CDKN2B-AS1: variants seen among roughly 807,000 people sequenced by gnomAD.
CDKN2B-AS1 encodes the protein CDKN2B and CDKN2A antisense cis and trans regulatory RNA 1.
Position 22,040,976 on chromosome 9 carries a change from A to G in CDKN2B-AS1, n.30-5775A>G, listed in dbSNP as rs988143256. ...ATCTCAACCCAGCATTCATTATACT[A>G]TTGCTCACTGCGTGTAGAATCAGAT... On this transcript the variant is annotated intron_variant and non_coding_transcript_variant, in intron 1 of 4. Transcript: ENST00000650946. 5.3e-5 allele frequency among the ~76,000 whole-genome samples: 8 copies of G among 151,952 alleles called. No individual in the cohort carries two copies. The South Asian group carries it at 6.2e-4, about 12-fold the overall frequency.
In CDKN2B-AS1 at chr9:22,000,388, A is replaced by T. The variant is rs1463897107; in HGVS notation, n.29+5227A>T. On this transcript the variant is annotated intron_variant and non_coding_transcript_variant, in intron 1 of 4. Transcript: ENST00000650946. This position sits in a 1 kb window ranked among gnomAD's most constrained non-coding sequence, Gnocchi z 4.1. ...GTTTATGGTGGTATTTAAACATATT[A>T]AAAACTACTAATTTTGGAATAGTCT... Among the ~76,000 whole-genome samples the T allele has an allele frequency of 6.6e-6, 1 of 152,188 alleles. No homozygotes were observed. The highest frequency in any genetic ancestry group is 2.4e-5 in the African/African-American group (1 of 41,452).
chr9:22,115,897 A>T (rs371553137), intron 4 of CDKN2B-AS1, among the ~76,000 whole-genome samples: 1 of 152,206 alleles, frequency 6.6e-6, no homozygotes, highest in Non-Finnish European at 1.5e-5. Flanking sequence ...TTATAAGTGA[A>T]TCATGAGAAC....
intron 1 of CDKN2B-AS1, among the ~76,000 whole-genome samples, chr9:22,033,230 G>C (rs1184988901): frequency 6.6e-6 from 1 of 150,586 alleles, no homozygotes; most frequent in African/African-American, 2.4e-5. Flanking sequence ...AAAGGTTGGG[G>C]ACCACCGCTG....
chr9:22,053,671 A>G (rs1185475352), intron 3 of CDKN2B-AS1, among the ~76,000 whole-genome samples: 1 of 152,188 alleles, frequency 6.6e-6, no homozygotes, highest in Non-Finnish European at 1.5e-5. Context: ...GTATATGCTG[A>G]TGTTTGGAGC....
At chr9:22,088,745 C>G (rs969405704) in intron 4 of CDKN2B-AS1, among the ~76,000 whole-genome samples, 21 of 152,276 alleles carry the variant, frequency 1.4e-4, no homozygotes, top group African/African-American at 5.1e-4. Context: ...GAAATGAGAT[C>G]AGGCTCTATA....
intron 4 of CDKN2B-AS1, among the ~76,000 whole-genome samples, chr9:22,125,591 A>G (rs1818003896): frequency 6.6e-6 from 1 of 152,232 alleles, no homozygotes; most frequent in Non-Finnish European, 1.5e-5. Context: ...TTTATACAGT[A>G]GTGAAGGAAA....
At position 22,116,148 on chromosome 9, in the gene CDKN2B-AS1, C is replaced by A. The variant is rs149584169; in HGVS notation, n.439-10955C>A. On this transcript the variant is annotated intron_variant and non_coding_transcript_variant, in intron 4 of 4. Transcript: ENST00000650946. ...CTGTTTTGACAAACATCTGAGGATA[C>A]TTTTATAATTGATAATTTGGACTAG... 6.6e-5 allele frequency among the ~76,000 whole-genome samples: 10 copies of A among 152,206 alleles called. No homozygotes were observed. The East Asian group carries it at 1.9e-3, about 29-fold the overall frequency.
intron 4 of CDKN2B-AS1, among the ~76,000 whole-genome samples, chr9:22,072,711 A>G (rs976874933): frequency 1.3e-5 from 2 of 152,230 alleles, no homozygotes; most frequent in African/African-American, 2.4e-5. Context: ...GCAAAATGCT[A>G]GGAGCACAAG....
At chr9:22,004,920 T>C (rs1409182401) in intron 1 of CDKN2B-AS1, 1 of 233,192 alleles carries the variant, frequency 4.3e-6, no homozygotes, top group Non-Finnish European at 8.5e-6. Context: ...ATCTAGGCGT[T>C]TGCACTGAGT....
chr9:22,008,950 G>C, intron 1 of CDKN2B-AS1: 1 of 1,612,876 alleles, frequency 6.2e-7, no homozygotes, highest in Non-Finnish European at 8.5e-7. Flanking sequence ...TTCTCCTCGC[G>C]CATTCCGCAG....
chr9:22,026,981 G>C (rs566725466), intron 1 of CDKN2B-AS1, among the ~76,000 whole-genome samples: 11 of 152,174 alleles, frequency 7.2e-5, no homozygotes, highest in African/African-American at 2.6e-4. Context: ...TTCCCAAGTG[G>C]GCTGTCTTCC....
chr9:22,125,343 T>A (rs188267508), intron 4 of CDKN2B-AS1, among the ~76,000 whole-genome samples: 1 of 152,384 alleles, frequency 6.6e-6, no homozygotes, highest in East Asian at 1.9e-4. Context: ...TTTGAGGAGA[T>A]GTTTAAATGT....
intron 3 of CDKN2B-AS1, among the ~76,000 whole-genome samples, chr9:22,053,570 C>T (rs1823440552): frequency 6.6e-6 from 1 of 152,190 alleles, no homozygotes; most frequent in Non-Finnish European, 1.5e-5. Flanking sequence ...GTTTTTCTCT[C>T]TCTTCCCTTT....
At chr9:22,029,712 G>T in intron 1 of CDKN2B-AS1, 1 of 424,504 alleles carries the variant, frequency 2.4e-6, no homozygotes, top group African/African-American at 2.0e-5. Flanking sequence ...TTGATGACCT[G>T]TTTTCAAATA....
intron 4 of CDKN2B-AS1, among the ~76,000 whole-genome samples, chr9:22,121,989 T>C (rs1826112798): frequency 6.6e-6 from 1 of 152,082 alleles, no homozygotes; most frequent in African/African-American, 2.4e-5. Flanking sequence ...CCATAGTGGT[T>C]GTACTAGTTT....
At chr9:22,069,772 T>G (rs1824212831) in intron 4 of CDKN2B-AS1, among the ~76,000 whole-genome samples, 1 of 152,182 alleles carries the variant, frequency 6.6e-6, no homozygotes, top group African/African-American at 2.4e-5. Context: ...TTCCTCCTAT[T>G]GAATTGTAAC....
chr9:22,101,634 C>G (rs1825487665), intron 4 of CDKN2B-AS1, among the ~76,000 whole-genome samples: 2 of 150,892 alleles, frequency 1.3e-5, no homozygotes, highest in African/African-American at 4.9e-5. Context: ...CTAAAATAAT[C>G]ACACGTTTCA....
At chr9:22,016,080 G>A (rs1453599279) in intron 1 of CDKN2B-AS1, among the ~76,000 whole-genome samples, 3 of 152,116 alleles carry the variant, frequency 2.0e-5, no homozygotes, top group African/African-American at 7.2e-5. Flanking sequence ...CTTTTGCTGT[G>A]CAGAAGCTCT....
intron 3 of CDKN2B-AS1, among the ~76,000 whole-genome samples, chr9:22,055,391 G>A (rs1398134706): frequency 2.0e-5 from 3 of 152,172 alleles, no homozygotes; most frequent in Admixed American, 1.3e-4. Flanking sequence ...GATAACAAAA[G>A]TTGTTTTATC....
Sources: gnomAD v4.1 joint callset for allele counts (sites outside exome capture counted in the v4.1 genomes callset) on GRCh38, gnomAD v4.1.1 for gene constraint, Gnocchi (gnomAD v3.1) non-coding constraint, MANE v1.5 for transcripts, NCBI Gene and HGNC (gene_info 2026-07-23, HGNC 2026-07-21) for gene names.